The following TNFRSF25 variants were observed in gnomAD, a reference collection of about 807,000 sequenced individuals.
TNFRSF25 encodes TNF receptor superfamily member 25, also known as tumor necrosis factor receptor superfamily member 25.
In TNFRSF25, 28 loss-of-function variants were observed where a neutral mutation model predicts 49.4. That is an observed-to-expected ratio of 0.57 (90% confidence interval 0.42 to 0.78). The LOEUF is 0.78. Among genes scored for constraint, TNFRSF25 ranks in the 30% least tolerant of loss-of-function variants. The pLI is 0.00. For synonymous variants in TNFRSF25, 240 were observed against 234.2 expected (o/e 1.02, Z -0.23); for missense variants, 531 against 581.6 (o/e 0.91, Z 0.90).
chr1:6,461,822 C>G lies in TNFRSF25; in HGVS notation c.926-60G>C. 6.8e-7 allele frequency: 1 copy of G among 1,460,912 alleles called. No homozygotes were observed. Among genetic ancestry groups the G allele is most frequent in the Non-Finnish European group, 9.0e-7 (1 of 1,107,970 alleles). The allele number at this position is 1,460,912 out of a possible 1,614,324, so 90.5% of individuals were successfully genotyped here. A position where few individuals can be genotyped will look rare whatever the true frequency, so the allele number is the denominator to read the frequency against. On this transcript the variant is annotated intron_variant, in intron 9 of 9. Coordinates refer to ENST00000356876, the MANE Select transcript of TNFRSF25 (RefSeq NM_003790.3). The surrounding 1 kb of genome is among the most constrained non-coding windows in gnomAD (Gnocchi z 6.3). ...GTGGGCCGCGGTCGGGAGGCAGAGT[C>G]AGGGGCGTTCGTGCGGGTACCCCAG...
chr1:6,464,456 G>A lies in TNFRSF25; in HGVS notation c.464-3C>T. The A allele has an allele frequency of 6.2e-7, 1 of 1,611,346 alleles. No individual in the cohort carries two copies. The stretch of plus-strand genomic sequence containing the variant: ...ACAGTCAGTATCTCTGCGGGAACCT[G>A]CAATCCAGGAGAGGCATGCGTCACC... On this transcript the variant is annotated splice_region_variant and splice_polypyrimidine_tract_variant and intron_variant, in intron 4 of 9. Coordinates refer to ENST00000356876, the MANE Select transcript of TNFRSF25 (RefSeq NM_003790.3).
chr1:6,461,911 A>G lies in TNFRSF25; in HGVS notation c.925+83T>C. ...GCGGACTCCGTCAGTTAGGGGGCAG[A>G]AAGGGAACACGTTGTGAAACCACAA... On this transcript the variant is annotated intron_variant, in intron 9 of 9. Coordinates refer to ENST00000356876, the MANE Select transcript of TNFRSF25 (RefSeq NM_003790.3). The surrounding 1 kb of genome is among the most constrained non-coding windows in gnomAD (Gnocchi z 6.3). 6.6e-7 allele frequency: 1 copy of G among 1,519,218 alleles called. No individual in the cohort carries two copies. The allele number at this position is 1,519,218 out of a possible 1,614,324, so 94.1% of individuals were successfully genotyped here.
chr1:6,462,543 G>A lies in TNFRSF25; in HGVS notation c.744+86C>T, dbSNP rs1312637757. The A allele has an allele frequency of 6.4e-6, 10 of 1,561,132 alleles. No homozygotes were observed. The highest frequency in any genetic ancestry group is 8.7e-6 in the Non-Finnish European group (10 of 1,154,624). The stretch of plus-strand genomic sequence containing the variant: ...TGTCCACTAGGGCTACCCGGTGCTG[G>A]CCGCGTGCCAAGCTCCAGGGATCAT... On this transcript the variant is annotated intron_variant, in intron 8 of 9. Transcript: ENST00000356876. The surrounding 1 kb of genome is among the most constrained non-coding windows in gnomAD (Gnocchi z 4.2).
chr1:6,462,265 TC>T lies in TNFRSF25; in HGVS notation c.745-92del, dbSNP rs939176391. On this transcript the variant is annotated intron_variant, in intron 8 of 9. Coordinates refer to ENST00000356876, the MANE Select transcript of TNFRSF25 (RefSeq NM_003790.3). This position sits in a 1 kb window ranked among gnomAD's most constrained non-coding sequence, Gnocchi z 4.2. ...TCTCCAGGAGGGGACAGTCCCTGGT[TC>T]AGTCAGCAGACACCCCCGCAATGAC... 25 of 1,475,392 alleles carry T rather than the reference TC, an allele frequency of 1.7e-5. No homozygotes were observed. The highest frequency in any genetic ancestry group is 2.1e-5 in the Non-Finnish European group (23 of 1,101,854). 91.4% of individuals were successfully genotyped at this position (1,475,392 alleles called of 1,614,324 possible). A position where few individuals can be genotyped will look rare whatever the true frequency, so the allele number is the denominator to read the frequency against.
In TNFRSF25 at chr1:6,462,680, A is replaced by G; in HGVS notation, c.707-14T>C. ...CAGCTTCATCTGCTGACAGACACAG[A>G]GAGATTGCGGTCAGCCACCAGGCAA... On this transcript the variant is annotated splice_polypyrimidine_tract_variant and intron_variant, in intron 7 of 9. Transcript: ENST00000356876. The surrounding 1 kb of genome is among the most constrained non-coding windows in gnomAD (Gnocchi z 4.2). The G allele has an allele frequency of 1.9e-6, 3 of 1,613,322 alleles. No individual in the cohort carries two copies. The highest frequency in any genetic ancestry group is 2.5e-6 in the Non-Finnish European group (3 of 1,179,558).
At chr1:6,465,917 C>G in intron 1 of TNFRSF25, 152 bp downstream of exon 1, 1 of 1,434,910 alleles carries the variant, frequency 7.0e-7, no homozygotes, top group South Asian at 1.5e-5. Flanking sequence ...GGAAGGGCTA[C>G]GCCCTGGAGG....
rs915510103 is a variant in TNFRSF25, at chr1:6,461,027, G to A, written c.*407C>T. Reference sequence around the variant, plus strand: ...CGGGAGGGGCAGGCTTGGGAGCTAAGGCCACACTGGACTCCACCATGGGTG... The same window carrying A: ...CGGGAGGGGCAGGCTTGGGAGCTAAAGCCACACTGGACTCCACCATGGGTG... On this transcript the variant is annotated 3_prime_UTR_variant, in exon 10 of 10. Transcript: ENST00000356876. The surrounding 1 kb of genome is among the most constrained non-coding windows in gnomAD (Gnocchi z 6.3). The A allele has an allele frequency of 2.6e-5, 11 of 417,066 alleles. No individual in the cohort carries two copies. The highest frequency in any genetic ancestry group is 5.4e-5 in the Non-Finnish European group (11 of 204,780). 25.8% of individuals were successfully genotyped at this position (417,066 alleles called of 1,614,324 possible). A position where few individuals can be genotyped will look rare whatever the true frequency, so the allele number is the denominator to read the frequency against.
In TNFRSF25 at chr1:6,461,569, G is replaced by A. The variant is rs764956822; in HGVS notation, c.1119C>T (p.Asp373=). ...AVEVEIGRFR[D]QQYEMLKRWR... is the part of the protein sequence containing the mutation. ...AGCGCTTGAGCATCTCGTACTGCTG[G>A]TCTCGGAAGCGGCCGATCTCCACCT... Residue 373 remains aspartate, a synonymous_variant, in exon 10 of 10, where the codon GAC becomes GAT. Coordinates refer to ENST00000356876, the MANE Select transcript of TNFRSF25 (RefSeq NM_003790.3). This position sits in a 1 kb window ranked among gnomAD's most constrained non-coding sequence, Gnocchi z 6.3. 1.2e-6 allele frequency: 2 copies of A among 1,610,434 alleles called. No individual in the cohort carries two copies. The highest frequency in any genetic ancestry group is 4.5e-5 in the East Asian group (2 of 44,854).
At chr1:6,464,741 G>C (rs891519623) in intron 3 of TNFRSF25, 22 bp from the exon 4 acceptor site, 1 of 1,608,206 alleles carries the variant, frequency 6.2e-7, no homozygotes, top group Non-Finnish European at 8.5e-7. Flanking sequence ...GCAGGGAGAT[G>C]GGGAGTGGAG....
chr1:6,461,550 T>G lies in TNFRSF25; in HGVS notation c.1138A>C (p.Lys380Gln), dbSNP rs1336590163. 2 of 1,609,622 alleles carry G rather than the reference T, an allele frequency of 1.2e-6. No individual in the cohort carries two copies. Among genetic ancestry groups the G allele is most frequent in the Non-Finnish European group, 1.7e-6 (2 of 1,179,274 alleles). ...GCGGGCTGCTGCTGGCGCCAGCGCT[T>G]GAGCATCTCGTACTGCTGGTCTCGG... ...RFRDQQYEML[K>Q]RWRQQQPAGL... Residue 380 changes from lysine to glutamine, a missense_variant, in exon 10 of 10, where the codon AAG (lysine) becomes CAG (glutamine). Physicochemically the swap from Lys to Gln is moderately conservative, Grantham distance 53 (BLOSUM62 1). Coordinates refer to ENST00000356876, the MANE Select transcript of TNFRSF25 (RefSeq NM_003790.3). The surrounding 1 kb of genome is among the most constrained non-coding windows in gnomAD (Gnocchi z 6.3).
Position 6,462,836 on chromosome 1 carries a change from G to A in TNFRSF25, c.706+27C>T, listed in dbSNP as rs747450609. On this transcript the variant is annotated intron_variant, in intron 7 of 9. Transcript: ENST00000356876. This position sits in a 1 kb window ranked among gnomAD's most constrained non-coding sequence, Gnocchi z 4.2. ...TACCCATCCTGACCCCAGGCTTCTG[G>A]GTGCGTGTGTGGGTGTGTGTACTTA... 5 of 1,588,816 alleles carry A rather than the reference G, an allele frequency of 3.1e-6. No individual in the cohort carries two copies. The highest frequency in any genetic ancestry group is 4.3e-6 in the Non-Finnish European group (5 of 1,165,752).
Position 6,461,832 on chromosome 1 carries a change from C to T in TNFRSF25, c.926-70G>A, listed in dbSNP as rs1006230593. 1.2e-4 allele frequency: 181 copies of T among 1,456,660 alleles called. No homozygotes were observed. Among genetic ancestry groups the T allele is most frequent in the Non-Finnish European group, 1.5e-4 (164 of 1,105,848 alleles). The allele number at this position is 1,456,660 out of a possible 1,614,324, so 90.2% of individuals were successfully genotyped here. A position where few individuals can be genotyped will look rare whatever the true frequency, so the allele number is the denominator to read the frequency against. On this transcript the variant is annotated intron_variant, in intron 9 of 9. Transcript: ENST00000356876. The surrounding 1 kb of genome is among the most constrained non-coding windows in gnomAD (Gnocchi z 6.3). Reference sequence around the variant, plus strand: ...GTCGGGAGGCAGAGTCAGGGGCGTTCGTGCGGGTACCCCAGGGCTGAAGCC... The same window carrying T: ...GTCGGGAGGCAGAGTCAGGGGCGTTTGTGCGGGTACCCCAGGGCTGAAGCC...
intron 2 of TNFRSF25, 51 bp from the exon 3 acceptor site, chr1:6,465,273 C>A: frequency 6.3e-7 from 1 of 1,574,884 alleles, no homozygotes; most frequent in Non-Finnish European, 8.6e-7. Flanking sequence ...CCAGCAACCC[C>A]CGACCTGCTT....
In TNFRSF25 at chr1:6,465,566, G is replaced by A. The variant is rs1047547395; in HGVS notation, c.40-6C>T. ...AGCAGCACCAGGAGGAGCGCCTGGGGGACAGGTGCTGCTGACTCTCAGCGC... is the reference window on the plus strand; with the variant it reads ...AGCAGCACCAGGAGGAGCGCCTGGGAGACAGGTGCTGCTGACTCTCAGCGC... On this transcript the variant is annotated splice_polypyrimidine_tract_variant and splice_region_variant and intron_variant, in intron 1 of 9. Transcript: ENST00000356876. The A allele has an allele frequency of 2.5e-6, 4 of 1,611,460 alleles. No homozygotes were observed. Among genetic ancestry groups the A allele is most frequent in the African/African-American group, 2.7e-5 (2 of 74,868 alleles).
chr1:6,464,305 C>T (rs1644269135), intron 5 of TNFRSF25, 70 bp downstream of exon 5: 3 of 1,553,634 alleles, frequency 1.9e-6, no homozygotes, highest in Admixed American at 2.0e-5. Context: ...CCAGCAGCAC[C>T]TGCCCCACCC....
chr1:6,462,664 C>T lies in TNFRSF25; in HGVS notation c.709G>A (p.Asp237Asn), dbSNP rs145286562. The stretch of plus-strand genomic sequence containing the variant: ...GTCAGAGCCTCCATCCCAGCTTCAT[C>T]TGCTGACAGACACAGAGAGATTGCG... ...CWPHKPLVTA[D>N]EAGMEALTPP... The change falls in exon 8 of 10, where the codon GAT becomes AAT. Residue 237 changes from aspartate to asparagine, a missense_variant and splice_region_variant. Physicochemically the swap from Asp to Asn is conservative, Grantham distance 23. Transcript: ENST00000356876. The surrounding 1 kb of genome is among the most constrained non-coding windows in gnomAD (Gnocchi z 4.2). The T allele has an allele frequency of 2.0e-4, 328 of 1,613,770 alleles. 1 individual carries two copies. In the African/African-American group the frequency reaches 3.4e-3, roughly 17 times the overall value.
intron 5 of TNFRSF25, 191 bp downstream of exon 5, chr1:6,464,184 G>C: frequency 6.9e-7 from 1 of 1,458,712 alleles, no homozygotes; most frequent in East Asian, 2.5e-5. Flanking sequence ...TTATGTATCT[G>C]GCTAAGGCGG....
In TNFRSF25 at chr1:6,462,162, A is replaced by G; in HGVS notation, c.757T>C (p.Ser253Pro). The change falls in exon 9 of 10, where the codon TCA (serine) becomes CCA (proline). Residue 253 changes from serine to proline, a missense_variant. Physicochemically the swap from Ser to Pro is moderately conservative, Grantham distance 74 (BLOSUM62 -1). Coordinates refer to ENST00000356876, the MANE Select transcript of TNFRSF25 (RefSeq NM_003790.3). This position sits in a 1 kb window ranked among gnomAD's most constrained non-coding sequence, Gnocchi z 4.2. ...AGGGTGTGGGCGCTGTCCAAGGGTG[A>G]CAGATGGGTGGCCTGGAAGCCAAGA... Reference protein sequence around the residue: ...ALTPPPATHLSPLDSAHTLLA... With the variant: ...ALTPPPATHLPPLDSAHTLLA... The G allele has an allele frequency of 1.2e-6, 2 of 1,602,420 alleles. No individual in the cohort carries two copies. The highest frequency in any genetic ancestry group is 8.5e-7 in the Non-Finnish European group (1 of 1,174,512).
Position 6,462,954 on chromosome 1 carries a change from C to T in TNFRSF25, c.615G>A (p.Val205=), listed in dbSNP as rs565235786. The change falls in exon 7 of 10, where the codon GTG becomes GTA. Residue 205 remains valine (V), a synonymous_variant. Transcript: ENST00000356876. The surrounding 1 kb of genome is among the most constrained non-coding windows in gnomAD (Gnocchi z 4.2). Reference sequence around the variant, plus strand: ...GGGGGACCACAAGGCCAGCCAGGAGCACCTGGACCCAGAACACTGAAAGCA... The same window carrying T: ...GGGGGACCACAAGGCCAGCCAGGAGTACCTGGACCCAGAACACTGAAAGCA... The part of the protein sequence containing the change: ...CGWRQMFWVQ[V]LLAGLVVPLL... 1.1e-5 allele frequency: 18 copies of T among 1,597,538 alleles called. 1 individual carries two copies. In the South Asian group the frequency reaches 2.0e-4, roughly 18 times the overall value.
Sources: gnomAD v4.1 joint callset for allele counts on GRCh38, gnomAD v4.1.1 for gene constraint, Gnocchi (gnomAD v3.1) non-coding constraint, MANE v1.5 for transcripts, NCBI Gene and HGNC (gene_info 2026-07-23, HGNC 2026-07-21) for gene names.